The following NDUFS4 variants were observed in gnomAD, a reference collection of about 807,000 sequenced individuals.
The protein encoded by NDUFS4 is NADH dehydrogenase [ubiquinone] iron-sulfur protein 4, mitochondrial.
Under a neutral mutation model 24.3 loss-of-function variants are expected in NDUFS4, and 28 were observed. That is an observed-to-expected ratio of 1.15 (90% CI 0.85 to 1.58). The LOEUF (loss-of-function observed/expected upper bound fraction) is 1.58. NDUFS4 is among the 40% of genes most tolerant of loss of function. The pLI is 0.00. For synonymous variants in NDUFS4, 93 were observed against 69.7 expected (o/e 1.34, Z -1.67); for missense variants, 223 against 207.9 (o/e 1.07, Z -0.45).
chr5:53,611,603 G>C (rs1043807316), intron 2 of NDUFS4, among the ~76,000 whole-genome samples: 1 of 151,514 alleles, frequency 6.6e-6, no homozygotes, highest in Non-Finnish European at 1.5e-5. Flanking sequence ...AAAACTTTTT[G>C]TGGACTGTAC....
chr5:53,592,281 T>G (rs908255739), intron 1 of NDUFS4, among the ~76,000 whole-genome samples: 1 of 152,140 alleles, frequency 6.6e-6, no homozygotes, highest in Non-Finnish European at 1.5e-5. Flanking sequence ...CTTTGTTTAT[T>G]GTAGATAAAG....
At chr5:53,569,544 G>A (rs1341572478) in intron 1 of NDUFS4, among the ~76,000 whole-genome samples, 1 of 152,076 alleles carries the variant, frequency 6.6e-6, no homozygotes, top group East Asian at 1.9e-4. Flanking sequence ...TTTAATGCAA[G>A]AATCCCTAGA....
intron 4 of NDUFS4, among the ~76,000 whole-genome samples, chr5:53,665,632 G>A (rs1752490225): frequency 6.6e-6 from 1 of 152,182 alleles, no homozygotes; most frequent in African/African-American, 2.4e-5. Context: ...AGCCAGGTGC[G>A]GGATATAATC....
intron 4 of NDUFS4, among the ~76,000 whole-genome samples, chr5:53,667,748 G>GT (rs1372979098): frequency 2.6e-5 from 4 of 152,162 alleles, no homozygotes; most frequent in Admixed American, 6.5e-5. Context: ...TAAGAGGCTG[G>GT]TAACTAAGAC....
chr5:53,678,285 G>A (rs373691577), intron 4 of NDUFS4, among the ~76,000 whole-genome samples: 1 of 152,128 alleles, frequency 6.6e-6, no homozygotes, highest in Non-Finnish European at 1.5e-5. Flanking sequence ...TCTGATACTA[G>A]GGCTTAAAGT....
Position 53,572,957 on chromosome 5 carries a change from G to GTTTT in NDUFS4, c.98+12206_98+12209dup, listed in dbSNP as rs796960315. Among the ~76,000 whole-genome samples the GTTTT allele has an allele frequency of 1.5e-4, 15 of 103,324 alleles. 1 individual carries two copies. Among genetic ancestry groups the GTTTT allele is most frequent in the African/African-American group, 1.8e-4 (5 of 27,906 alleles). 67.8% of individuals were successfully genotyped at this position (103,324 alleles called of 152,430 possible). A position where few individuals can be genotyped will look rare whatever the true frequency, so the allele number is the denominator to read the frequency against. ...CCGTGCCTGGCCTTTGTTGTTTTTT[G>GTTTT]TTTTTTTTTTTTGTTTTTTTTTTTT... On this transcript the variant is annotated intron_variant, in intron 1 of 4. Coordinates refer to ENST00000296684, the MANE Select transcript of NDUFS4 (RefSeq NM_002495.4).
At chr5:53,564,377 A>AT (rs1434508536) in intron 1 of NDUFS4, among the ~76,000 whole-genome samples, 1 of 152,140 alleles carries the variant, frequency 6.6e-6, no homozygotes. Context: ...AGGGGCAGCT[A>AT]TTTTTGCTAT....
At chr5:53,566,475 A>T (rs1030542894) in intron 1 of NDUFS4, among the ~76,000 whole-genome samples, 6 of 152,168 alleles carry the variant, frequency 3.9e-5, no homozygotes, top group Non-Finnish European at 8.8e-5. Context: ...TCCCACAGTA[A>T]TCCTATCAAC....
Position 53,624,166 on chromosome 5 carries a change from C to T in NDUFS4, c.177+20636C>T, listed in dbSNP as rs540922902. 7.2e-5 allele frequency among the ~76,000 whole-genome samples: 11 copies of T among 152,236 alleles called. No homozygotes were observed. The South Asian group carries it at 2.3e-3, about 32-fold the overall frequency. ...GGCACTTCTTTAAAAAACCAATTGG[C>T]TATATATGCAAGGGTTTATTTCTAG... On this transcript the variant is annotated intron_variant, in intron 2 of 4. Coordinates refer to ENST00000296684, the MANE Select transcript of NDUFS4 (RefSeq NM_002495.4).
At chr5:53,647,692 A>T (rs1377599732) in intron 3 of NDUFS4, among the ~76,000 whole-genome samples, 1 of 152,188 alleles carries the variant, frequency 6.6e-6, no homozygotes, top group Non-Finnish European at 1.5e-5. Flanking sequence ...GAAAATTGTC[A>T]TTCGTATTGA....
chr5:53,619,377 C>G (rs1397358245), intron 2 of NDUFS4, among the ~76,000 whole-genome samples: 1 of 144,862 alleles, frequency 6.9e-6, no homozygotes, highest in East Asian at 2.0e-4. Context: ...GTAGTCCCAG[C>G]TACTTGGGAG....
chr5:53,586,764 C>A (rs1471794757), intron 1 of NDUFS4, among the ~76,000 whole-genome samples: 2 of 151,892 alleles, frequency 1.3e-5, no homozygotes, highest in African/African-American at 4.8e-5. Context: ...ACCTTGTGAT[C>A]CGCCTGCCTT....
At chr5:53,623,588 TTGCATG>T (rs1341407346) in intron 2 of NDUFS4, among the ~76,000 whole-genome samples, 1 of 152,216 alleles carries the variant, frequency 6.6e-6, no homozygotes, top group Non-Finnish European at 1.5e-5. Flanking sequence ...TATTTTTTTG[TTGCATG>T]TGCTTTTATT....
chr5:53,646,534 AC>A, intron 3 of NDUFS4, 129 bp downstream of exon 3: 1 of 914,986 alleles, frequency 1.1e-6, no homozygotes, highest in Non-Finnish European at 1.7e-6. Context: ...GCTGTTAAGT[AC>A]CACTGTGCTC....
At chr5:53,612,745 C>T (rs772463272) in intron 2 of NDUFS4, among the ~76,000 whole-genome samples, 31 of 151,928 alleles carry the variant, frequency 2.0e-4, no homozygotes, top group Non-Finnish European at 4.0e-4. Context: ...CATGCTCAGC[C>T]GATGAGGTTT....
At chr5:53,571,211 C>T (rs537151014) in intron 1 of NDUFS4, among the ~76,000 whole-genome samples, 1 of 152,310 alleles carries the variant, frequency 6.6e-6, no homozygotes, top group Non-Finnish European at 1.5e-5. Context: ...GCTTCTCCCC[C>T]AGTCCTAGAT....
At chr5:53,561,760 T>G (rs183085338) in intron 1 of NDUFS4, among the ~76,000 whole-genome samples, 140 of 152,276 alleles carry the variant, frequency 9.2e-4, no homozygotes, top group African/African-American at 3.2e-3. Flanking sequence ...AGAATTAGGA[T>G]GAGTTAATTC....
At chr5:53,585,402 G>A (rs781113155) in intron 1 of NDUFS4, among the ~76,000 whole-genome samples, 2 of 152,112 alleles carry the variant, frequency 1.3e-5, no homozygotes, top group Non-Finnish European at 2.9e-5. Flanking sequence ...GCCTGTAAAA[G>A]CATAAATTGA....
At chr5:53,626,436 G>C (rs907479043) in intron 2 of NDUFS4, among the ~76,000 whole-genome samples, 4 of 152,154 alleles carry the variant, frequency 2.6e-5, no homozygotes, top group African/African-American at 9.7e-5. Context: ...TCTAGTTCTA[G>C]ATCCTTGAGG....
Sources: allele counts gnomAD v4.1 joint callset (sites outside exome capture counted in the v4.1 genomes callset), GRCh38; gene constraint gnomAD v4.1.1; transcripts MANE v1.5; gene names NCBI Gene and HGNC (gene_info 2026-07-23, HGNC 2026-07-21).